MBOAT2: variants seen among roughly 807,000 people sequenced by gnomAD.
MBOAT2 encodes the protein membrane bound glycerophospholipid O-acyltransferase 2.
In MBOAT2, 28 loss-of-function variants were observed where a neutral mutation model predicts 63.4. That is an observed-to-expected ratio of 0.44 (90% CI 0.33 to 0.61). MBOAT2 has a LOEUF of 0.61. Ranked by LOEUF, MBOAT2 falls within the 20% of genes least tolerant of loss-of-function variation. The probability of loss-of-function intolerance (pLI) is 0.03; values close to 1 mark genes in which losing one functional copy is unlikely to be tolerated. For missense variants in MBOAT2, 470 were observed against 605.8 expected (o/e 0.78, Z 2.35); for synonymous variants, 211 against 215.6 (o/e 0.98, Z 0.19).
intron 3 of MBOAT2, among the ~76,000 whole-genome samples, chr2:8,940,064 C>T (rs1374637297): frequency 6.6e-6 from 1 of 150,966 alleles, no homozygotes; most frequent in African/African-American, 2.5e-5. Flanking sequence ...TACCTAACAA[C>T]TCAGTCTCTG....
chr2:8,912,398 AGAAAGAAAGAAAGAAAGACAGGCC>A (rs1665850411), intron 3 of MBOAT2, among the ~76,000 whole-genome samples: 1 of 145,492 alleles, frequency 6.9e-6, no homozygotes, highest in African/African-American at 2.6e-5. Context: ...AAAGAAAGAA[AGAAAGAAAGAAAGAAAGACAGGCC>A]GGCCGGCCTT....
chr2:8,898,424 A>G (rs1268222105), intron 4 of MBOAT2, among the ~76,000 whole-genome samples: 1 of 152,230 alleles, frequency 6.6e-6, no homozygotes, highest in Non-Finnish European at 1.5e-5. Context: ...GCCTGTATTC[A>G]TTCCTTGCTG....
intron 1 of MBOAT2, among the ~76,000 whole-genome samples, chr2:8,992,113 C>T (rs1382222976): frequency 1.3e-5 from 2 of 152,214 alleles, no homozygotes; most frequent in East Asian, 1.9e-4. Context: ...AATGTACTTC[C>T]GGTCTCAAGT....
intron 4 of MBOAT2, among the ~76,000 whole-genome samples, chr2:8,898,990 T>C (rs374689796): frequency 5.8e-4 from 89 of 152,382 alleles, no homozygotes; most frequent in African/African-American, 2.0e-3. Context: ...ACTGCTGCAT[T>C]TCCTTATTAA....
At chr2:8,970,109 CAT>C (rs1670337437) in intron 1 of MBOAT2, among the ~76,000 whole-genome samples, 1 of 152,200 alleles carries the variant, frequency 6.6e-6, no homozygotes, top group Non-Finnish European at 1.5e-5. Context: ...AAATTGACCA[CAT>C]AGTTGGAAGT....
rs146140168 is a variant in MBOAT2 at position 8,944,860 on chromosome 2, C to G, written c.222-1596G>C. ...AACACTAGCAATTCACTGGCTGACT[C>G]CTGACTTCGTGCGAAAGGTGACAAG... On this transcript the variant is annotated intron_variant, in intron 2 of 12. Transcript: ENST00000305997. Among the ~76,000 whole-genome samples the G allele has an allele frequency of 4.9e-3, 745 of 152,266 alleles. 5 individuals carry two copies. The highest frequency in any genetic ancestry group is 7.7e-3 in the Non-Finnish European group (526 of 68,016).
chr2:8,858,433 G>A lies in MBOAT2; in HGVS notation c.*246C>T. 2.3e-6 allele frequency: 1 copy of A among 428,452 alleles called. No homozygotes were observed. Among genetic ancestry groups the A allele is most frequent in the South Asian group, 4.6e-5 (1 of 21,580 alleles). The allele number at this position is 428,452 out of a possible 1,614,324, so 26.5% of individuals were successfully genotyped here. On this transcript the variant is annotated 3_prime_UTR_variant, in exon 13 of 13. Transcript: ENST00000305997. ...CACGCGTGTGACCCTACGGACAAGTGCTGAGGTTGGGAGTGCCCACTGAAA... is the reference window on the plus strand; with the variant it reads ...CACGCGTGTGACCCTACGGACAAGTACTGAGGTTGGGAGTGCCCACTGAAA...
chr2:8,870,377 T>A (rs1558555294), intron 8 of MBOAT2, among the ~76,000 whole-genome samples: 3 of 152,198 alleles, frequency 2.0e-5, no homozygotes, highest in Non-Finnish European at 4.4e-5. Context: ...AAAATGTACA[T>A]GTGGATACAA....
rs894619141 is a variant in MBOAT2 at position 9,003,483 on chromosome 2, C to G, written c.75+57G>C. The G allele has an allele frequency of 9.2e-5, 104 of 1,124,810 alleles. No homozygotes were observed. Among genetic ancestry groups the G allele is most frequent in the Non-Finnish European group, 1.1e-4 (97 of 910,566 alleles). 69.7% of individuals were successfully genotyped at this position (1,124,810 alleles called of 1,614,324 possible). A position where few individuals can be genotyped will look rare whatever the true frequency, so the allele number is the denominator to read the frequency against. On this transcript the variant is annotated intron_variant, in intron 1 of 12. Coordinates refer to ENST00000305997, the MANE Select transcript of MBOAT2 (RefSeq NM_138799.4). This position sits in a 1 kb window ranked among gnomAD's most constrained non-coding sequence, Gnocchi z 5.4. ...TCCCGGGCCCCCGGTCGGGTGGCAC[C>G]GCGGCGGGGAGGGGCGGCGAGGGCG... is the stretch of plus-strand genomic sequence containing the variant.
chr2:8,947,479 C>A (rs1186467991), intron 2 of MBOAT2, among the ~76,000 whole-genome samples: 2 of 150,832 alleles, frequency 1.3e-5, no homozygotes, highest in Non-Finnish European at 3.0e-5. Context: ...GAAGAAGATG[C>A]CATAGAGAAC....
chr2:8,866,360 G>C (rs1661897303), intron 9 of MBOAT2, among the ~76,000 whole-genome samples: 1 of 152,128 alleles, frequency 6.6e-6, no homozygotes, highest in South Asian at 2.1e-4. Flanking sequence ...ATTAGGAAAA[G>C]AGTGTCTCAA....
At chr2:8,942,185 A>G (rs571219960) in intron 3 of MBOAT2, among the ~76,000 whole-genome samples, 168 of 152,360 alleles carry the variant, frequency 1.1e-3, no homozygotes, top group Non-Finnish European at 2.1e-3. Context: ...GACAGTACAC[A>G]TTACAACAGA....
At chr2:8,873,612 A>G (rs1325416431) in intron 7 of MBOAT2, among the ~76,000 whole-genome samples, 1 of 147,910 alleles carries the variant, frequency 6.8e-6, no homozygotes, top group East Asian at 1.9e-4. Flanking sequence ...TGTGAATGGA[A>G]GTGAATATAA....
intron 2 of MBOAT2, among the ~76,000 whole-genome samples, chr2:8,943,474 G>A (rs1668193613): frequency 6.6e-6 from 1 of 152,294 alleles, no homozygotes; most frequent in South Asian, 2.1e-4. Flanking sequence ...AAAAAACAAG[G>A]CCTAAAGCCA....
In MBOAT2 at chr2:8,857,044, G is replaced by A. The variant is rs1245435237; in HGVS notation, c.*1635C>T. 1.3e-5 allele frequency: 2 copies of A among 152,550 alleles called. No homozygotes were observed. The highest frequency in any genetic ancestry group is 2.9e-5 in the Non-Finnish European group (2 of 68,036). 9.4% of individuals were successfully genotyped at this position (152,550 alleles called of 1,614,324 possible). On this transcript the variant is annotated 3_prime_UTR_variant, in exon 13 of 13. Coordinates refer to ENST00000305997, the MANE Select transcript of MBOAT2 (RefSeq NM_138799.4). ...GACCTCAAAAGCTGCAAGTGCATTT[G>A]CTTTTCCTTTCTTCTTTAAATGAAG...
chr2:8,976,887 A>G (rs1326174153), intron 1 of MBOAT2, among the ~76,000 whole-genome samples: 4 of 152,232 alleles, frequency 2.6e-5, no homozygotes, highest in Non-Finnish European at 5.9e-5. Context: ...AGACAACAGC[A>G]TGGATGAATC....
At chr2:8,877,670 GAAGTGCT>G (rs1662793885) in intron 6 of MBOAT2, among the ~76,000 whole-genome samples, 1 of 152,238 alleles carries the variant, frequency 6.6e-6, no homozygotes, top group South Asian at 2.1e-4. Context: ...CATATTTTCA[GAAGTGCT>G]AAGTGTTACA....
intron 1 of MBOAT2, among the ~76,000 whole-genome samples, chr2:8,996,213 T>C (rs1672291604): frequency 6.6e-6 from 1 of 152,214 alleles, no homozygotes; most frequent in Non-Finnish European, 1.5e-5. Context: ...TGCCACTGGA[T>C]TTCATTCTGA....
intron 1 of MBOAT2, among the ~76,000 whole-genome samples, chr2:8,995,554 T>C (rs1672225053): frequency 6.6e-6 from 1 of 152,200 alleles, no homozygotes; most frequent in African/African-American, 2.4e-5. Flanking sequence ...TACATGTTAA[T>C]GTGTTAAATA....
Sources: gnomAD v4.1 joint callset for allele counts (sites outside exome capture counted in the v4.1 genomes callset) on GRCh38, gnomAD v4.1.1 for gene constraint, Gnocchi (gnomAD v3.1) non-coding constraint, MANE v1.5 for transcripts, NCBI Gene and HGNC (gene_info 2026-07-23, HGNC 2026-07-21) for gene names.